The following ADAM2 variants were observed in gnomAD, a reference collection of about 807,000 sequenced individuals.
ADAM2 encodes the protein ADAM metallopeptidase domain 2.
Under a neutral mutation model 99.3 loss-of-function variants are expected in ADAM2, and 101 were observed. The ratio of observed to expected loss-of-function variants is 1.02; its 90% CI spans 0.87 to 1.20. The LOEUF (loss-of-function observed/expected upper bound fraction) is 1.20. Among genes scored for constraint, ADAM2 ranks in the 50% most tolerant of loss-of-function variants. ADAM2 has a pLI of 0.00. For missense variants in ADAM2, 948 were observed against 878.7 expected (o/e 1.08, Z -1.00); for synonymous variants, 323 against 287.6 (o/e 1.12, Z -1.25).
intron 10 of ADAM2, among the ~76,000 whole-genome samples, chr8:39,780,085 G>C (rs889812033): frequency 6.6e-6 from 1 of 152,110 alleles, no homozygotes; most frequent in Admixed American, 6.6e-5. Flanking sequence ...CACATGGCTG[G>C]GGAAGCATCA....
intron 7 of ADAM2, among the ~76,000 whole-genome samples, chr8:39,790,476 C>T (rs920381806): frequency 3.3e-5 from 5 of 151,840 alleles, no homozygotes; most frequent in Admixed American, 2.6e-4. Flanking sequence ...ACAGAAAAAT[C>T]TGTATGTTCA....
At chr8:39,791,605 T>C (rs1255773247) in intron 7 of ADAM2, among the ~76,000 whole-genome samples, 1 of 152,026 alleles carries the variant, frequency 6.6e-6, no homozygotes, top group Non-Finnish European at 1.5e-5. Context: ...AAGTTCCTCT[T>C]GAATTTCAGC....
intron 7 of ADAM2, among the ~76,000 whole-genome samples, chr8:39,803,041 C>CAACAGTTGATCTAATTCTACAATTAG (rs1804282064): frequency 6.6e-6 from 1 of 152,172 alleles, no homozygotes; most frequent in Non-Finnish European, 1.5e-5. Context: ...ATCCCCCACA[C>CAACAGTTGATCTAATTCTACAATTAG]AACAGTTGAT....
At chr8:39,803,852 ATTTGTTTTGT>A (rs773999354) in intron 7 of ADAM2, among the ~76,000 whole-genome samples, 6 of 152,116 alleles carry the variant, frequency 3.9e-5, no homozygotes, top group African/African-American at 9.7e-5. Flanking sequence ...ATCTTTGCTT[ATTTGTTTTGT>A]TTTGTTTTGT....
At chr8:39,750,504 C>T (rs889483789) in intron 16 of ADAM2, among the ~76,000 whole-genome samples, 1 of 151,964 alleles carries the variant, frequency 6.6e-6, no homozygotes, top group Admixed American at 6.6e-5. Context: ...AGAAGGAAAG[C>T]TGATAAAAGT....
intron 12 of ADAM2, among the ~76,000 whole-genome samples, chr8:39,769,122 A>G (rs1802679132): frequency 6.6e-6 from 1 of 152,244 alleles, no homozygotes; most frequent in Admixed American, 6.5e-5. Context: ...TATACAATTT[A>G]AAATTGTCAG....
Position 39,809,404 on chromosome 8 carries a change from A to C in ADAM2, c.570+6T>G. The C allele has an allele frequency of 8.8e-7, 1 of 1,136,054 alleles. No homozygotes were observed. Among genetic ancestry groups the C allele is most frequent in the Non-Finnish European group, 1.3e-6 (1 of 759,574 alleles). 70.4% of individuals were successfully genotyped at this position (1,136,054 alleles called of 1,614,324 possible). A position where few individuals can be genotyped will look rare whatever the true frequency, so the allele number is the denominator to read the frequency against. ...AAGGGACATAAATAAATCAGAATAT[A>C]CTTACCAATTGTTTTTCAACTATAA... On this transcript the variant is annotated splice_donor_region_variant and intron_variant, in intron 7 of 20. Transcript: ENST00000265708.
At chr8:39,827,588 G>C (rs1311008598) in intron 3 of ADAM2, among the ~76,000 whole-genome samples, 1 of 152,096 alleles carries the variant, frequency 6.6e-6, no homozygotes, top group Non-Finnish European at 1.5e-5. Context: ...CTACAGGCTG[G>C]ATGAATCTGG....
Position 39,786,287 on chromosome 8 carries a change from A to C in ADAM2, c.891+687T>G, listed in dbSNP as rs76729759. ...GACAAACTTGTATATGTATGCCCTA[A>C]ATCTAAAATAAAAGTTGAAATTATT... On this transcript the variant is annotated intron_variant, in intron 10 of 20. Coordinates refer to ENST00000265708, the MANE Select transcript of ADAM2 (RefSeq NM_001464.5). 1.5e-3 allele frequency among the ~76,000 whole-genome samples: 230 copies of C among 152,302 alleles called. 9 individuals carry two copies. In the East Asian group the frequency reaches 0.041, roughly 27 times the overall value.
At chr8:39,791,195 C>G (rs1012314025) in intron 7 of ADAM2, among the ~76,000 whole-genome samples, 3 of 151,978 alleles carry the variant, frequency 2.0e-5, no homozygotes, top group African/African-American at 7.2e-5. Context: ...GCCAAGCCAG[C>G]CAGTTTTAAT....
At chr8:39,787,559 C>T (rs745818773) in intron 9 of ADAM2, among the ~76,000 whole-genome samples, 2 of 96,264 alleles carry the variant, frequency 2.1e-5, no homozygotes, top group African/African-American at 4.9e-5. Context: ...TATATATACA[C>T]ATATATATAC....
At chr8:39,775,491 C>T (rs991582107) in intron 11 of ADAM2, among the ~76,000 whole-genome samples, 2 of 151,938 alleles carry the variant, frequency 1.3e-5, no homozygotes, top group Admixed American at 6.6e-5. Flanking sequence ...GTGGAAAACC[C>T]GATATATTGT....
In ADAM2 at chr8:39,749,340, T is replaced by G. The variant is rs1468795374; in HGVS notation, c.1986A>C (p.Pro662=). 6.2e-7 allele frequency: 1 copy of G among 1,613,038 alleles called. No homozygotes were observed. Among genetic ancestry groups the G allele is most frequent in the Non-Finnish European group, 8.5e-7 (1 of 1,179,288 alleles). The part of the protein sequence containing the change: ...PGGSIDSGNF[P]PVAIPARLPE... The stretch of plus-strand genomic sequence containing the variant: ...GGAGTCTGGCTGGTATAGCTACAGG[T>G]GGAAAATTGCCACTGTCAATACTCC... Residue 662 remains proline, a synonymous_variant, in exon 18 of 21, where the codon CCA becomes CCC. Transcript: ENST00000265708.
chr8:39,788,118 A>T lies in ADAM2; in HGVS notation c.776T>A (p.Val259Asp). ...TFLRWKTSYL[V>D]LRPHDVAFLL... ...AAATGCCACATCATGAGGACGTAAA[A>T]CAAGATAAGATGTTTTCCATCTTAA... Residue 259 changes from valine (V) to aspartate (D), a missense_variant, in exon 9 of 21, where the codon GTT (valine) becomes GAT (aspartate). Physicochemically the swap from Val to Asp is radical, Grantham distance 152. Coordinates refer to ENST00000265708, the MANE Select transcript of ADAM2 (RefSeq NM_001464.5). 1 of 1,562,834 alleles carries T rather than the reference A, an allele frequency of 6.4e-7. No individual in the cohort carries two copies. The highest frequency in any genetic ancestry group is 8.6e-7 in the Non-Finnish European group (1 of 1,157,678).
At chr8:39,795,175 G>A (rs1803886393) in intron 7 of ADAM2, among the ~76,000 whole-genome samples, 1 of 152,026 alleles carries the variant, frequency 6.6e-6, no homozygotes, top group Admixed American at 6.6e-5. Flanking sequence ...ATCAATTTCT[G>A]AACATATGTG....
chr8:39,749,219 G>A (rs902053292), intron 18 of ADAM2, 93 bp downstream of exon 18: 29 of 1,161,726 alleles, frequency 2.5e-5, no homozygotes, highest in Non-Finnish European at 3.4e-5. Context: ...ACATAGTCTA[G>A]ATATAAATTG....
At chr8:39,824,104 A>G (rs1805302033) in intron 4 of ADAM2, among the ~76,000 whole-genome samples, 2 of 151,952 alleles carry the variant, frequency 1.3e-5, no homozygotes, top group Admixed American at 1.3e-4. Context: ...ACCAACATGG[A>G]GAAACCCTGT....
At chr8:39,813,471 G>A (rs895587063) in intron 6 of ADAM2, among the ~76,000 whole-genome samples, 2 of 152,172 alleles carry the variant, frequency 1.3e-5, no homozygotes, top group Non-Finnish European at 2.9e-5. Context: ...ACATGCACAC[G>A]TATGTTTATT....
At chr8:39,829,801 G>A (rs1207808970) in intron 3 of ADAM2, among the ~76,000 whole-genome samples, 1 of 151,948 alleles carries the variant, frequency 6.6e-6, no homozygotes, top group East Asian at 1.9e-4. Context: ...TAATAAAAAT[G>A]AATAGCTTGG....
Sources: allele counts gnomAD v4.1 joint callset (sites outside exome capture counted in the v4.1 genomes callset), GRCh38; gene constraint gnomAD v4.1.1; transcripts MANE v1.5; gene names NCBI Gene and HGNC (gene_info 2026-07-23, HGNC 2026-07-21).